The following PFKFB1 variants were observed in gnomAD, a reference collection of about 807,000 sequenced individuals.
PFKFB1 encodes the protein 6-phosphofructo-2-kinase/fructose-2,6-bisphosphatase 1.
A neutral mutation model predicts 46.4 loss-of-function variants in PFKFB1; 34 were observed. The observed-to-expected ratio is 0.73, with a 90% CI of 0.56 to 0.98. The LOEUF is 0.98. PFKFB1 is among the 50% of genes least tolerant of loss of function. PFKFB1 has a pLI of 0.00. For synonymous variants in PFKFB1, 119 were observed against 133.8 expected (o/e 0.89, Z 0.76); for missense variants, 393 against 376.3 (o/e 1.04, Z -0.37).
intron 10 of PFKFB1, among the ~76,000 whole-genome samples, chrX:54,945,054 G>T (rs903739143): frequency 8.9e-6 from 1 of 111,954 alleles, no homozygotes. Context: ...TGTCCCTTGG[G>T]ACAATGCCAA....
intron 1 of PFKFB1, among the ~76,000 whole-genome samples, chrX:54,965,928 A>C (rs1287968898): frequency 9.0e-6 from 1 of 111,230 alleles, no homozygotes; most frequent in Admixed American, 9.6e-5. Context: ...AATAATAAAT[A>C]AATACATGAG....
chrX:54,945,701 CGTGTGT>C (rs72018084), intron 9 of PFKFB1, among the ~76,000 whole-genome samples, 158 bp from the exon 10 acceptor site: 1 of 101,751 alleles, frequency 9.8e-6, no homozygotes, highest in Non-Finnish European at 2.0e-5. Context: ...AGTGTGTATG[CGTGTGT>C]GTGTGTGTGT....
intron 9 of PFKFB1, among the ~76,000 whole-genome samples, chrX:54,948,401 T>G (rs1208478583): frequency 1.8e-5 from 2 of 112,364 alleles, no homozygotes; most frequent in Non-Finnish European, 3.8e-5. Flanking sequence ...TGGGCTTTTT[T>G]GAAAAATGTG....
intron 7 of PFKFB1, among the ~76,000 whole-genome samples, chrX:54,955,004 A>G (rs953559291): frequency 9.9e-5 from 11 of 111,583 alleles, no homozygotes; most frequent in Non-Finnish European, 1.5e-4. Flanking sequence ...CTTTCACCAT[A>G]TGCTGTTAGC....
chrX:54,949,075 C>A lies in PFKFB1; in HGVS notation c.993G>T (p.Ala331=), dbSNP rs758972099. The A allele has an allele frequency of 4.0e-5, 48 of 1,208,646 alleles. No individual in the cohort carries two copies. The highest frequency in any genetic ancestry group is 5.3e-5 in the Non-Finnish European group (47 of 894,386). The part of the protein sequence containing the change: ...EQWKALNEID[A]GVCEEMTYEE... ...AGGAGATTCACCCCATGCATCTCACCGCATCAATCTCATTCAGGGCCTTCC... is the reference window on the plus strand; with the variant it reads ...AGGAGATTCACCCCATGCATCTCACAGCATCAATCTCATTCAGGGCCTTCC... Residue 331 remains alanine (A), a splice_region_variant and synonymous_variant, in exon 9 of 14, where the codon GCG becomes GCT. Transcript: ENST00000375006.
chrX:54,952,236 G>A (rs2146618955), intron 7 of PFKFB1, 124 bp from the exon 8 acceptor site: 1 of 519,132 alleles, frequency 1.9e-6, no homozygotes, highest in Non-Finnish European at 3.3e-6. Flanking sequence ...GTCACCTAAT[G>A]TGATGCAATG....
chrX:54,995,659 T>C (rs187133735), upstream of PFKFB1, among the ~76,000 whole-genome samples: 167 of 112,517 alleles, frequency 1.5e-3, 1 homozygote, highest in African/African-American at 5.2e-3. Flanking sequence ...ATGGGAATGA[T>C]AGGAGTACCT....
At chrX:54,968,222 C>CA (rs1934531395) in intron 1 of PFKFB1, among the ~76,000 whole-genome samples, 1 of 69,609 alleles carries the variant, frequency 1.4e-5, no homozygotes, top group Non-Finnish European at 2.6e-5. Context: ...ATCTCAAGAA[C>CA]AAAAAACCAA....
intron 10 of PFKFB1, among the ~76,000 whole-genome samples, chrX:54,940,061 T>C (rs1165007919): frequency 1.8e-5 from 2 of 111,870 alleles, no homozygotes; most frequent in African/African-American, 6.5e-5. Flanking sequence ...GTGGGCTTCA[T>C]CCCTGGGATG....
chrX:54,968,833 A>G (rs1170039001), intron 1 of PFKFB1, among the ~76,000 whole-genome samples: 1 of 111,262 alleles, frequency 9.0e-6, no homozygotes, highest in Non-Finnish European at 1.9e-5. Flanking sequence ...CAATCTCTCT[A>G]TGAAACTAGA....
chrX:54,992,060 A>C (rs1409905175), intron 1 of PFKFB1, among the ~76,000 whole-genome samples: 1 of 111,466 alleles, frequency 9.0e-6, no homozygotes, highest in African/African-American at 3.3e-5. Context: ...CCACTATCTA[A>C]GTTTTTTGCA....
chrX:54,973,763 T>G (rs1048432978), intron 1 of PFKFB1, among the ~76,000 whole-genome samples: 31 of 111,228 alleles, frequency 2.8e-4, no homozygotes, highest in African/African-American at 9.8e-4. Context: ...CTTCCAACTA[T>G]GTGGTCAATT....
chrX:54,959,826 CCGCAA>C lies in PFKFB1; in HGVS notation c.380_384del (p.Val127GlyfsTer3). On this transcript the variant is annotated frameshift_variant and splice_region_variant, in exon 4 of 14. Transcript: ENST00000375006. LOFTEE classifies it high-confidence loss of function. ...AAGGAAAAAATAAAAAATTTCTTTA[CCGCAA>C]CATGACCTTCCTCATGGCTGAGATA... is the stretch of plus-strand genomic sequence containing the variant. 8.3e-7 allele frequency: 1 copy of C among 1,198,058 alleles called. No homozygotes were observed. Among genetic ancestry groups the C allele is most frequent in the Non-Finnish European group, 1.1e-6 (1 of 883,801 alleles).
At chrX:54,973,388 G>A (rs1934740867) in intron 1 of PFKFB1, among the ~76,000 whole-genome samples, 1 of 111,009 alleles carries the variant, frequency 9.0e-6, no homozygotes, top group Admixed American at 9.5e-5. Flanking sequence ...GCTAGCTTTT[G>A]AATGTGTTTG....
upstream of PFKFB1, chrX:54,994,685 T>C: frequency 1.5e-5 from 11 of 754,377 alleles, no homozygotes; most frequent in Non-Finnish European, 1.7e-5. Context: ...CGACCCAAAA[T>C]GGCATTGCAT....
At chrX:54,956,549 G>A (rs1276362447) in intron 6 of PFKFB1, among the ~76,000 whole-genome samples, 1 of 111,690 alleles carries the variant, frequency 9.0e-6, no homozygotes, top group East Asian at 2.8e-4. Flanking sequence ...ATTTATAAGA[G>A]GACCAGAAAT....
chrX:54,949,904 T>C (rs1438417148), intron 8 of PFKFB1, among the ~76,000 whole-genome samples: 2 of 112,643 alleles, frequency 1.8e-5, no homozygotes, highest in Admixed American at 1.9e-4. Flanking sequence ...TGAACACTTA[T>C]TGCTTAAGCA....
chrX:54,979,881 C>T (rs1464574172), intron 1 of PFKFB1, among the ~76,000 whole-genome samples: 1 of 111,846 alleles, frequency 8.9e-6, no homozygotes, highest in Non-Finnish European at 1.9e-5. Context: ...TCCTCTTTGG[C>T]TCTCTCATTG....
chrX:54,980,449 C>T (rs1023591825), intron 1 of PFKFB1, among the ~76,000 whole-genome samples: 18 of 110,190 alleles, frequency 1.6e-4, no homozygotes, highest in African/African-American at 5.6e-4. Context: ...TAAGAGATAG[C>T]ACGTATAGAA....
Sources: gnomAD v4.1 joint callset for allele counts (sites outside exome capture counted in the v4.1 genomes callset) on GRCh38, gnomAD v4.1.1 for gene constraint, MANE v1.5 for transcripts, NCBI Gene and HGNC (gene_info 2026-07-23, HGNC 2026-07-21) for gene names.